INAVA: variants seen among roughly 807,000 people sequenced by gnomAD.
INAVA encodes the protein innate immunity activator protein.
INAVA carries 32 observed loss-of-function variants against 55.3 expected under a neutral mutation model. The ratio of observed to expected loss-of-function variants is 0.58; its 90% CI spans 0.44 to 0.78. INAVA has a LOEUF of 0.78. Among genes scored for constraint, INAVA ranks in the 30% least tolerant of loss-of-function variants. The probability of loss-of-function intolerance (pLI) is 0.00; values close to 1 mark genes in which losing one functional copy is unlikely to be tolerated. For synonymous variants in INAVA, 294 were observed against 329.4 expected, an observed-to-expected ratio of 0.89 and a Z score of 1.16; for missense variants, 756 against 786.4, an observed-to-expected ratio of 0.96 and a Z score of 0.46.
chr1:200,893,323 A>T (rs1278727994), upstream of INAVA, among the ~76,000 whole-genome samples: 3 of 152,160 alleles, frequency 2.0e-5, no homozygotes, highest in Non-Finnish European at 4.4e-5. Flanking sequence ...CATATAATTG[A>T]CTTTTTTAGT....
At chr1:200,897,572 C>G (rs533992427) in intron 1 of INAVA, among the ~76,000 whole-genome samples, 10 of 152,202 alleles carry the variant, frequency 6.6e-5, no homozygotes, top group Non-Finnish European at 1.5e-4. Flanking sequence ...ACATGCCTCA[C>G]ACCTCCTGGG....
chr1:200,899,535 G>A lies in INAVA; in HGVS notation c.118G>A (p.Ala40Thr). ...LTHAVHKQQRALEARLEACLE... is the reference protein window; with the variant it reads ...LTHAVHKQQRTLEARLEACLE... Reference sequence around the variant, plus strand: ...CCATGCAGTGCACAAGCAGCAGAGGGCCCTGGAAGCGAGGCTGGAGGCCTG... The same window carrying A: ...CCATGCAGTGCACAAGCAGCAGAGGACCCTGGAAGCGAGGCTGGAGGCCTG... The change falls in exon 3 of 10, where the codon GCC (alanine) becomes ACC (threonine). Residue 40 changes from alanine (A) to threonine (T), a missense_variant. Around this residue, in one of 2 missense-constraint regions of INAVA, gnomAD observed 639 missense variants for 624.3 expected, o/e 1.02. Transcript: ENST00000413687. 6.2e-7 allele frequency: 1 copy of A among 1,613,882 alleles called. No individual in the cohort carries two copies. The highest frequency in any genetic ancestry group is 8.5e-7 in the Non-Finnish European group (1 of 1,179,976).
At chr1:200,897,800 T>G (rs1205149355) in intron 1 of INAVA, among the ~76,000 whole-genome samples, 3 of 152,146 alleles carry the variant, frequency 2.0e-5, no homozygotes, top group African/African-American at 7.2e-5. Flanking sequence ...CAGCTAAGTT[T>G]CATTTTGGAG....
intron 5 of INAVA, 133 bp downstream of exon 5, chr1:200,901,292 C>A: frequency 1.2e-6 from 1 of 867,620 alleles, no homozygotes. Flanking sequence ...TCAGCTCCAC[C>A]CCATCCTGAT....
At position 200,909,083 on chromosome 1, in the gene INAVA, C is replaced by G. The variant is rs1224598369; in HGVS notation, c.786-141C>G. On this transcript the variant is annotated intron_variant, in intron 7 of 9. Coordinates refer to ENST00000413687, the MANE Select transcript of INAVA (RefSeq NM_001142569.3). ...TGCAGTCGTGGGATGGAGGTGTGAG[C>G]CTTGATAGTTCCCCAAGGGTGCTGG... The G allele has an allele frequency of 2.3e-6, 3 of 1,293,192 alleles. No homozygotes were observed. The African/African-American group carries it at 4.5e-5, about 19-fold the overall frequency. 80.1% of individuals were successfully genotyped at this position (1,293,192 alleles called of 1,614,324 possible).
chr1:200,907,988 G>A, intron 6 of INAVA, 101 bp downstream of exon 6: 1 of 947,842 alleles, frequency 1.1e-6, no homozygotes, highest in Non-Finnish European at 1.7e-6. Context: ...TGGGAGTGAA[G>A]GCTAGGGTGC....
intron 5 of INAVA, among the ~76,000 whole-genome samples, chr1:200,901,556 G>A (rs909246158): frequency 6.6e-6 from 1 of 152,236 alleles, no homozygotes. Context: ...TGAGGCTCCC[G>A]TGAGCCCAAG....
upstream of INAVA, among the ~76,000 whole-genome samples, chr1:200,894,491 C>T (rs1306979744): frequency 6.6e-6 from 1 of 152,154 alleles, no homozygotes; most frequent in African/African-American, 2.4e-5. Flanking sequence ...AGCAGTGACC[C>T]ATCCCTGTCA....
chr1:200,906,225 A>G (rs1318621396), intron 5 of INAVA: 1 of 152,224 alleles, frequency 6.6e-6, no homozygotes, highest in Non-Finnish European at 1.5e-5. Flanking sequence ...TATTCTCAAG[A>G]TCTGAAGGCC....
At chr1:200,913,300 G>A (rs571043457) in intron 9 of INAVA, among the ~76,000 whole-genome samples, 45 of 152,348 alleles carry the variant, frequency 3.0e-4, no homozygotes, top group African/African-American at 1.1e-3. Context: ...AGGTGGGGGA[G>A]GAGGAGGTCA....
In INAVA at chr1:200,908,949, C is replaced by G; in HGVS notation, c.785+9C>G. 1.2e-6 allele frequency: 2 copies of G among 1,610,410 alleles called. No individual in the cohort carries two copies. Among genetic ancestry groups the G allele is most frequent in the African/African-American group, 2.7e-5 (2 of 74,856 alleles). ...CCCTGGAGCGAGTCCAGGTCAGGATCAGGGGGAAGGGAGAAGGGCAGGGCA... is the reference window on the plus strand; with the variant it reads ...CCCTGGAGCGAGTCCAGGTCAGGATGAGGGGGAAGGGAGAAGGGCAGGGCA... On this transcript the variant is annotated intron_variant, in intron 7 of 9. Transcript: ENST00000413687.
In INAVA at chr1:200,909,402, G is replaced by C; in HGVS notation, c.959+5G>C. 1 of 1,575,540 alleles carries C rather than the reference G, an allele frequency of 6.3e-7. No homozygotes were observed. Among genetic ancestry groups the C allele is most frequent in the Non-Finnish European group, 8.6e-7 (1 of 1,156,612 alleles). On this transcript the variant is annotated splice_donor_5th_base_variant and intron_variant, in intron 8 of 9. Coordinates refer to ENST00000413687, the MANE Select transcript of INAVA (RefSeq NM_001142569.3). Reference sequence around the variant, plus strand: ...GGGCCAGTCGCAGTCTCTGAGGTAAGAGACAGCTTCCCCAGAGAGATGGGG... The same window carrying C: ...GGGCCAGTCGCAGTCTCTGAGGTAACAGACAGCTTCCCCAGAGAGATGGGG...
At chr1:200,898,152 G>T (rs1653025935) in intron 1 of INAVA, among the ~76,000 whole-genome samples, 155 bp from the exon 2 acceptor site, 1 of 152,160 alleles carries the variant, frequency 6.6e-6, no homozygotes, top group African/African-American at 2.4e-5. Flanking sequence ...CCTTCTCTAG[G>T]TCAGCACCCC....
At position 200,900,207 on chromosome 1, in the gene INAVA, C is replaced by A. The variant is rs772998814; in HGVS notation, c.284C>A (p.Ala95Asp). Residue 95 changes from alanine (A) to aspartate (D), a missense_variant, in exon 4 of 10, where the codon GCC becomes GAC. Physicochemically the swap from Ala to Asp is moderately radical, Grantham distance 126. Coordinates refer to ENST00000413687, the MANE Select transcript of INAVA (RefSeq NM_001142569.3). Reference sequence around the variant, plus strand: ...GCGGCTTACAAACTGGATGACTGGGCCTTGCACAGAGAGGTGAGGAACCTC... The same window carrying A: ...GCGGCTTACAAACTGGATGACTGGGACTTGCACAGAGAGGTGAGGAACCTC... ...IGAAYKLDDW[A>D]LHREDPLSSL... The A allele has an allele frequency of 1.2e-6, 2 of 1,613,986 alleles. No individual in the cohort carries two copies. The highest frequency in any genetic ancestry group is 1.1e-5 in the South Asian group (1 of 91,080).
Position 200,899,469 on chromosome 1 carries a change from G to A in INAVA, c.56-4G>A. The A allele has an allele frequency of 6.2e-7, 1 of 1,613,986 alleles. No homozygotes were observed. Among genetic ancestry groups the A allele is most frequent in the Non-Finnish European group, 8.5e-7 (1 of 1,179,998 alleles). ...CCTGAGCATGTGCCCCCCAACCCTT[G>A]CAGGCCCCGACAGCCCGGTCTCCCC... On this transcript the variant is annotated splice_polypyrimidine_tract_variant and splice_region_variant and intron_variant, in intron 2 of 9. Transcript: ENST00000413687.
At chr1:200,898,792 C>G (rs1653080412) in intron 2 of INAVA, among the ~76,000 whole-genome samples, 2 of 152,196 alleles carry the variant, frequency 1.3e-5, no homozygotes, top group African/African-American at 4.8e-5. Context: ...GTAATCCCAG[C>G]ACTTTGGGAG....
chr1:200,899,716 G>C, intron 3 of INAVA, 119 bp downstream of exon 3: 1 of 1,410,776 alleles, frequency 7.1e-7, no homozygotes, highest in Admixed American at 2.3e-5. Flanking sequence ...CTGGACATCA[G>C]GCTGGGGGCT....
chr1:200,901,429 G>T (rs1275720228), intron 5 of INAVA, among the ~76,000 whole-genome samples: 1 of 152,208 alleles, frequency 6.6e-6, no homozygotes, highest in Non-Finnish European at 1.5e-5. Flanking sequence ...TTCCTACACA[G>T]AGATATTTCT....
At chr1:200,905,038 A>G (rs1268970954) in intron 5 of INAVA, among the ~76,000 whole-genome samples, 5 of 152,182 alleles carry the variant, frequency 3.3e-5, no homozygotes, top group East Asian at 1.9e-4. Context: ...GCCTGGCCCA[A>G]TGAAAATCTT....
Sources: allele counts gnomAD v4.1 joint callset (sites outside exome capture counted in the v4.1 genomes callset), GRCh38; gene constraint gnomAD v4.1.1; regional missense constraint gnomAD v4.1.1; transcripts MANE v1.5; gene names NCBI Gene and HGNC (gene_info 2026-07-23, HGNC 2026-07-21).